Variants in ENOPH1 observed in about 807,000 individuals in gnomAD.
ENOPH1 encodes enolase-phosphatase E1.
Under a neutral mutation model 31.1 loss-of-function variants are expected in ENOPH1, and 14 were observed. That is an observed-to-expected ratio of 0.45 (90% CI 0.30 to 0.70). The LOEUF (loss-of-function observed/expected upper bound fraction) is 0.70. Ranked by LOEUF, ENOPH1 falls within the 30% of genes least tolerant of loss-of-function variation. The pLI is 0.09. For missense variants in ENOPH1, 243 were observed against 321.5 expected (o/e 0.76, Z 1.87); for synonymous variants, 127 against 123.2 (o/e 1.03, Z -0.21).
intron 4 of ENOPH1, among the ~76,000 whole-genome samples, chr4:82,455,302 T>C (rs1722455948): frequency 6.6e-6 from 1 of 152,174 alleles, no homozygotes; most frequent in Non-Finnish European, 1.5e-5. Context: ...CCCCTCTGTG[T>C]CATCATCCCT....
Position 82,453,059 on chromosome 4 carries a change from G to A in ENOPH1, c.390-1663G>A, listed in dbSNP as rs139622652. 1.4e-4 allele frequency among the ~76,000 whole-genome samples: 22 copies of A among 151,932 alleles called. No homozygotes were observed. In the South Asian group the frequency reaches 4.2e-3, roughly 29 times the overall value. On this transcript the variant is annotated intron_variant, in intron 3 of 5. Coordinates refer to ENST00000273920, the MANE Select transcript of ENOPH1 (RefSeq NM_021204.5). ...TGGGACTACAGGCGTGTGCCACCAC[G>A]CCCGGCTAATTTTTTGTATTTTTAG...
At chr4:82,435,151 G>T (rs1210655698) in intron 1 of ENOPH1, among the ~76,000 whole-genome samples, 1 of 152,098 alleles carries the variant, frequency 6.6e-6, no homozygotes, top group Non-Finnish European at 1.5e-5. Context: ...ACCCAGGCTG[G>T]AGTACAGTGG....
Position 82,460,959 on chromosome 4 carries a change from A to G in ENOPH1, c.*839A>G, listed in dbSNP as rs1722631260. 6.6e-6 allele frequency: 1 copy of G among 152,250 alleles called. No homozygotes were observed. The highest frequency in any genetic ancestry group is 2.1e-4 in the South Asian group (1 of 4,832). 9.4% of individuals were successfully genotyped at this position (152,250 alleles called of 1,614,324 possible). A position where few individuals can be genotyped will look rare whatever the true frequency, so the allele number is the denominator to read the frequency against. ...CCATAACATTAAGATGAGCCCTAATATGTAAGATTTTCCTCTGGAATGGAT... is the reference window on the plus strand; with the variant it reads ...CCATAACATTAAGATGAGCCCTAATGTGTAAGATTTTCCTCTGGAATGGAT... On this transcript the variant is annotated 3_prime_UTR_variant, in exon 6 of 6. Coordinates refer to ENST00000273920, the MANE Select transcript of ENOPH1 (RefSeq NM_021204.5).
chr4:82,449,057 CAAAAAAAAAAAAAA>C (rs10604951), intron 2 of ENOPH1, among the ~76,000 whole-genome samples: 1 of 49,524 alleles, frequency 2.0e-5, no homozygotes, highest in East Asian at 5.5e-4. Flanking sequence ...GACTCCGTCT[CAAAAAAAAAAAAAA>C]AAAAAAAAAA....
At chr4:82,444,157 G>A (rs1445918920) in intron 1 of ENOPH1, among the ~76,000 whole-genome samples, 1 of 152,164 alleles carries the variant, frequency 6.6e-6, no homozygotes, top group Non-Finnish European at 1.5e-5. Flanking sequence ...TTACAGGCGT[G>A]GGCCACGGCG....
intron 3 of ENOPH1, among the ~76,000 whole-genome samples, chr4:82,451,972 G>T (rs532344234): frequency 6.6e-6 from 1 of 152,004 alleles, no homozygotes; most frequent in Admixed American, 6.6e-5. Context: ...GTACAGATGG[G>T]GTTCTACCAT....
At chr4:82,434,288 A>G (rs1721847918) in intron 1 of ENOPH1, among the ~76,000 whole-genome samples, 1 of 152,180 alleles carries the variant, frequency 6.6e-6, no homozygotes. Context: ...GTGCTATAAA[A>G]GTATATGGTA....
At chr4:82,454,601 G>A (rs946270360) in intron 3 of ENOPH1, 121 bp from the exon 4 acceptor site, 35 of 1,067,262 alleles carry the variant, frequency 3.3e-5, no homozygotes, top group Non-Finnish European at 4.7e-5. Flanking sequence ...TAGTCTCAGG[G>A]AGCTGCTTCT....
At position 82,444,702 on chromosome 4, in the gene ENOPH1, CTG is replaced by C. The variant is rs576043669; in HGVS notation, c.85-3216_85-3215del. On this transcript the variant is annotated intron_variant, in intron 1 of 5. Transcript: ENST00000273920. Reference sequence around the variant, plus strand: ...TAAATTGCTGCTTGCACAGTATCCTCTGTAACATCTAATGGAATTTAATCATA... The same window carrying C: ...TAAATTGCTGCTTGCACAGTATCCTCTAACATCTAATGGAATTTAATCATA... Among the ~76,000 whole-genome samples the C allele has an allele frequency of 6.6e-5, 10 of 152,300 alleles. No individual in the cohort carries two copies. In the South Asian group the frequency reaches 2.1e-3, roughly 32 times the overall value.
intron 1 of ENOPH1, among the ~76,000 whole-genome samples, chr4:82,432,305 G>C (rs553374596): frequency 2.0e-5 from 3 of 152,192 alleles, no homozygotes; most frequent in African/African-American, 7.2e-5. Context: ...TGACATCTTA[G>C]CATAGGTTCA....
chr4:82,439,829 T>C (rs780361285), intron 1 of ENOPH1, among the ~76,000 whole-genome samples: 6 of 152,156 alleles, frequency 3.9e-5, no homozygotes, highest in Non-Finnish European at 8.8e-5. Context: ...TGGTTGGATG[T>C]GGAGTTTGAG....
chr4:82,444,383 C>T (rs563145448), intron 1 of ENOPH1, among the ~76,000 whole-genome samples: 2 of 152,180 alleles, frequency 1.3e-5, no homozygotes, highest in Middle Eastern at 3.4e-3. Context: ...CACCACGCCC[C>T]GACTAATTTT....
At chr4:82,449,786 C>T (rs971656614) in intron 2 of ENOPH1, among the ~76,000 whole-genome samples, 2 of 152,082 alleles carry the variant, frequency 1.3e-5, no homozygotes, top group Admixed American at 6.6e-5. Context: ...CCCCTGCTGC[C>T]CCCTCTGCAG....
intron 3 of ENOPH1, among the ~76,000 whole-genome samples, chr4:82,453,057 A>G (rs979235196): frequency 1.3e-5 from 2 of 151,668 alleles, no homozygotes; most frequent in African/African-American, 4.8e-5. Flanking sequence ...GTGTGCCACC[A>G]CGCCCGGCTA....
intron 2 of ENOPH1, among the ~76,000 whole-genome samples, chr4:82,450,091 A>G (rs1578100680): frequency 6.6e-6 from 1 of 152,122 alleles, no homozygotes; most frequent in East Asian, 1.9e-4. Context: ...TGGATGTTTT[A>G]CTGTTAGGAA....
At chr4:82,450,765 A>C (rs1722326663) in intron 2 of ENOPH1, among the ~76,000 whole-genome samples, 1 of 152,240 alleles carries the variant, frequency 6.6e-6, no homozygotes, top group Admixed American at 6.5e-5. Context: ...CAACAAATCA[A>C]ATCTTAATTC....
At chr4:82,459,927 C>T in intron 5 of ENOPH1, 54 bp from the exon 6 acceptor site, 1 of 1,599,660 alleles carries the variant, frequency 6.3e-7, no homozygotes, top group Non-Finnish European at 8.5e-7. Flanking sequence ...CTGCAAATCT[C>T]AGACATCATT....
chr4:82,455,848 T>C (rs1025430046), intron 4 of ENOPH1, among the ~76,000 whole-genome samples: 12 of 152,138 alleles, frequency 7.9e-5, no homozygotes, highest in African/African-American at 2.9e-4. Context: ...ACCGAACTTA[T>C]AATAGGTTAC....
At chr4:82,446,287 AG>A (rs1722179880) in intron 1 of ENOPH1, among the ~76,000 whole-genome samples, 1 of 151,936 alleles carries the variant, frequency 6.6e-6, no homozygotes, top group Admixed American at 6.6e-5. Context: ...GTGTGGTGGC[AG>A]GTGCCTGTAA....
Sources: gnomAD v4.1 joint callset for allele counts (sites outside exome capture counted in the v4.1 genomes callset) on GRCh38, gnomAD v4.1.1 for gene constraint, MANE v1.5 for transcripts, NCBI Gene and HGNC (gene_info 2026-07-23, HGNC 2026-07-21) for gene names.